Variants in FBXO28 observed in about 807,000 individuals in gnomAD.
The protein encoded by FBXO28 is F-box protein 28.
Under a neutral mutation model 38.1 loss-of-function variants are expected in FBXO28, and 8 were observed. The observed-to-expected ratio is 0.21, with a 90% CI of 0.12 to 0.38. The LOEUF is 0.38. FBXO28 is among the 10% of genes least tolerant of loss of function. The probability of loss-of-function intolerance (pLI) is 1.00; values close to 1 mark genes in which losing one functional copy is unlikely to be tolerated. For missense variants in FBXO28, 345 were observed against 460.6 expected (o/e 0.75, Z 2.30); for synonymous variants, 168 against 173.8 (o/e 0.97, Z 0.26).
At chr1:224,140,460 G>A (rs1335388043) in intron 3 of FBXO28, among the ~76,000 whole-genome samples, 1 of 152,030 alleles carries the variant, frequency 6.6e-6, no homozygotes. Flanking sequence ...TATTTTGAGG[G>A]ATATGCTTCC....
At chr1:224,128,905 G>C (rs2102615560) in intron 1 of FBXO28, among the ~76,000 whole-genome samples, 1 of 149,498 alleles carries the variant, frequency 6.7e-6, no homozygotes, top group Non-Finnish European at 1.5e-5. Flanking sequence ...AGGATTGCTT[G>C]TGCCCAGGGA....
At chr1:224,123,603 T>G (rs774608682) in intron 1 of FBXO28, among the ~76,000 whole-genome samples, 1 of 152,126 alleles carries the variant, frequency 6.6e-6, no homozygotes, top group Non-Finnish European at 1.5e-5. Flanking sequence ...AAAGTTTTTA[T>G]TAAGTTGGTA....
At chr1:224,119,253 C>T (rs1656718660) in intron 1 of FBXO28, among the ~76,000 whole-genome samples, 2 of 150,834 alleles carry the variant, frequency 1.3e-5, no homozygotes, top group Non-Finnish European at 2.9e-5. Context: ...CCTGCCTCAG[C>T]CTCCCAAGTA....
chr1:224,149,737 A>G (rs990816698), intron 3 of FBXO28, among the ~76,000 whole-genome samples: 2 of 152,232 alleles, frequency 1.3e-5, no homozygotes, highest in African/African-American at 4.8e-5. Flanking sequence ...ATGTACTTAC[A>G]AATTGTAATG....
intron 3 of FBXO28, among the ~76,000 whole-genome samples, chr1:224,138,697 C>T (rs927874572): frequency 2.3e-4 from 1 of 4,258 alleles, no homozygotes; most frequent in Non-Finnish European, 8.8e-3. Context: ...AATGAAAAAA[C>T]AAAACATGTG....
At position 224,158,988 on chromosome 1, in the gene FBXO28, T is replaced by G. The variant is rs140056057; in HGVS notation, c.*1242T>G. On this transcript the variant is annotated 3_prime_UTR_variant, in exon 5 of 5. Transcript: ENST00000366862. ...GAGCTTGTAACTGGAAAAGCATGTCTTGCACTGTTCAACCTCCTGAGTGGT... is the reference window on the plus strand; with the variant it reads ...GAGCTTGTAACTGGAAAAGCATGTCGTGCACTGTTCAACCTCCTGAGTGGT... 6.5e-6 allele frequency: 1 copy of G among 152,770 alleles called. No homozygotes were observed. The highest frequency in any genetic ancestry group is 1.5e-5 in the Non-Finnish European group (1 of 68,032). The allele number at this position is 152,770 out of a possible 1,614,324, so 9.5% of individuals were successfully genotyped here.
rs1657846425 is a variant in FBXO28, at chr1:224,159,463, A to G, written c.*1717A>G. Reference sequence around the variant, plus strand: ...TCCATTTACAATGTAGTATGTTTTCAATGAAAAACCATAAAGTAACATCCA... The same window carrying G: ...TCCATTTACAATGTAGTATGTTTTCGATGAAAAACCATAAAGTAACATCCA... On this transcript the variant is annotated 3_prime_UTR_variant, in exon 5 of 5. Coordinates refer to ENST00000366862, the MANE Select transcript of FBXO28 (RefSeq NM_015176.4). 1 of 152,662 alleles carries G rather than the reference A, an allele frequency of 6.6e-6. No individual in the cohort carries two copies. The highest frequency in any genetic ancestry group is 2.1e-4 in the South Asian group (1 of 4,832). 9.5% of individuals were successfully genotyped at this position (152,662 alleles called of 1,614,324 possible). A position where few individuals can be genotyped will look rare whatever the true frequency, so the allele number is the denominator to read the frequency against.
At chr1:224,149,917 A>G (rs1657600610) in intron 3 of FBXO28, among the ~76,000 whole-genome samples, 1 of 152,248 alleles carries the variant, frequency 6.6e-6, no homozygotes, top group African/African-American at 2.4e-5. Flanking sequence ...GAAAGGGATC[A>G]GCATGTGCAA....
intron 3 of FBXO28, among the ~76,000 whole-genome samples, chr1:224,142,044 ATTT>A (rs33975517): frequency 2.6e-4 from 39 of 149,796 alleles, no homozygotes; most frequent in Admixed American, 3.3e-4. Flanking sequence ...GGCACATTAA[ATTT>A]TTTTTTTTTT....
In FBXO28 at chr1:224,117,862, A is replaced by G. The variant is rs190045193; in HGVS notation, c.267+3466A>G. On this transcript the variant is annotated intron_variant, in intron 1 of 4. Coordinates refer to ENST00000366862, the MANE Select transcript of FBXO28 (RefSeq NM_015176.4). ...ATCTCTACCAAAAATATAAAAAATT[A>G]GCCAGGCGTGGTGGCACACGCCTGT... 2.8e-3 allele frequency among the ~76,000 whole-genome samples: 426 copies of G among 152,044 alleles called. 3 individuals are homozygous for G. The Middle Eastern group carries it at 0.048, about 17-fold the overall frequency.
chr1:224,160,251 GTAAAT>G lies in FBXO28; in HGVS notation c.*2509_*2513del, dbSNP rs1420546798. On this transcript the variant is annotated 3_prime_UTR_variant, in exon 5 of 5. Coordinates refer to ENST00000366862, the MANE Select transcript of FBXO28 (RefSeq NM_015176.4). The stretch of plus-strand genomic sequence containing the variant: ...AACTGACATATGTTACAAGAAAACT[GTAAAT>G]TAACCTCCTGAGAGAACCATTCTGC... The G allele has an allele frequency of 2.6e-5, 4 of 152,286 alleles. No homozygotes were observed. The East Asian group carries it at 7.7e-4, about 29-fold the overall frequency. The allele number at this position is 152,286 out of a possible 1,614,324, so 9.4% of individuals were successfully genotyped here.
intron 1 of FBXO28, among the ~76,000 whole-genome samples, chr1:224,127,745 T>C (rs1656939474): frequency 6.6e-6 from 1 of 151,910 alleles, no homozygotes; most frequent in South Asian, 2.1e-4. Context: ...CATCTCTACT[T>C]AGAATGCAAA....
At chr1:224,127,162 A>ATT (rs201862991) in intron 1 of FBXO28, among the ~76,000 whole-genome samples, 6 of 115,388 alleles carry the variant, frequency 5.2e-5, no homozygotes, top group Middle Eastern at 3.9e-3. Context: ...GATGTAAAGT[A>ATT]TTTGTGTGTG....
At chr1:224,117,431 A>ATTTATTTTAT (rs145819546) in intron 1 of FBXO28, among the ~76,000 whole-genome samples, 46 of 151,754 alleles carry the variant, frequency 3.0e-4, no homozygotes, top group African/African-American at 8.9e-4. Context: ...GCCTGAATTT[A>ATTTATTTTAT]TTTATTTTAT....
At chr1:224,128,807 C>A (rs1317518787) in intron 1 of FBXO28, among the ~76,000 whole-genome samples, 6 of 151,808 alleles carry the variant, frequency 4.0e-5, no homozygotes, top group African/African-American at 1.5e-4. Context: ...GCAACATAGA[C>A]CCCCATCTCT....
In FBXO28 at chr1:224,139,916, A is replaced by AC. The variant is rs1253158662; in HGVS notation, c.516+5709dup. Among the ~76,000 whole-genome samples, 9 of 151,408 alleles carry AC rather than the reference A, an allele frequency of 5.9e-5. No individual in the cohort carries two copies. In the East Asian group the frequency reaches 9.7e-4, roughly 16 times the overall value. ...AGACCAACCTGGGCTGCAAAGTAAG[A>AC]CCCCCGTCTCTAAAAAAAAAATTAA... On this transcript the variant is annotated intron_variant, in intron 3 of 4. Transcript: ENST00000366862.
chr1:224,139,560 G>A (rs1349989420), intron 3 of FBXO28, among the ~76,000 whole-genome samples: 1 of 151,946 alleles, frequency 6.6e-6, no homozygotes, highest in Admixed American at 6.6e-5. Flanking sequence ...TGGCCAACAT[G>A]GTGAAACCCC....
intron 3 of FBXO28, among the ~76,000 whole-genome samples, chr1:224,138,548 G>T (rs559769045): frequency 1.3e-5 from 2 of 151,822 alleles, no homozygotes; most frequent in East Asian, 1.9e-4. Flanking sequence ...GCTTACTCCT[G>T]TATACATTTC....
chr1:224,143,005 A>G (rs1657398474), intron 3 of FBXO28, among the ~76,000 whole-genome samples: 1 of 152,090 alleles, frequency 6.6e-6, no homozygotes, highest in Middle Eastern at 3.2e-3. Context: ...TCTGAAATAA[A>G]TAAATAAGTA....
Sources: gnomAD v4.1 joint callset for allele counts (sites outside exome capture counted in the v4.1 genomes callset) on GRCh38, gnomAD v4.1.1 for gene constraint, MANE v1.5 for transcripts, NCBI Gene and HGNC (gene_info 2026-07-23, HGNC 2026-07-21) for gene names.